The following COBL variants were observed in gnomAD, a reference collection of about 807,000 sequenced individuals.
COBL encodes protein cordon-bleu.
A neutral mutation model predicts 98.8 loss-of-function variants in COBL; 51 were observed. The ratio of observed to expected loss-of-function variants is 0.52; its 90% CI spans 0.41 to 0.65. COBL has a LOEUF of 0.65. Among genes scored for constraint, COBL ranks in the 30% least tolerant of loss-of-function variants. The pLI, the probability that COBL is intolerant of heterozygous loss-of-function variation, is 0.00. For missense variants in COBL, 1,617 were observed against 1,617.5 expected, an observed-to-expected ratio of 1.00 and a Z score of 0.01; for synonymous variants, 634 against 651.7, an observed-to-expected ratio of 0.97 and a Z score of 0.41.
At chr7:51,093,753 G>A (rs1452298590) in intron 6 of COBL, among the ~76,000 whole-genome samples, 4 of 152,070 alleles carry the variant, frequency 2.6e-5, no homozygotes, top group Non-Finnish European at 5.9e-5. Context: ...GTTTAGCCAG[G>A]TATGGTGGCA....
intron 1 of COBL, among the ~76,000 whole-genome samples, chr7:51,269,441 A>G (rs1798551529): frequency 6.6e-6 from 1 of 152,194 alleles, no homozygotes; most frequent in African/African-American, 2.4e-5. Context: ...CACAGGGTCC[A>G]GACGCAACTG....
At chr7:51,025,015 G>A (rs954606992) in intron 12 of COBL, 94 bp downstream of exon 12, 17 of 1,552,656 alleles carry the variant, frequency 1.1e-5, no homozygotes, top group African/African-American at 2.7e-5. Context: ...TGACCGCCTC[G>A]CAGCTCCTGC....
Position 51,028,449 on chromosome 7 carries a change from C to T in COBL, c.2647G>A (p.Ala883Thr). 2 of 1,614,286 alleles carry T rather than the reference C, an allele frequency of 1.2e-6. No individual in the cohort carries two copies. The highest frequency in any genetic ancestry group is 1.7e-6 in the Non-Finnish European group (2 of 1,180,054). ...AKRIGAPKVH[A>T]DVVRPHGYAE... ...TAACCGTGTGGCCTCACCACATCAG[C>T]ATGGACTTTTGGGGCTCCTATGCGC... The change falls in exon 10 of 13, where the codon GCT becomes ACT. Residue 883 changes from alanine to threonine, a missense_variant. Ala to Thr is a moderately conservative substitution (Grantham distance 58). This residue lies in a region of COBL where 1,304 missense variants were observed against 1,282.0 expected (regional missense o/e 1.02). Coordinates refer to ENST00000265136, the MANE Select transcript of COBL (RefSeq NM_015198.5).
chr7:51,206,090 G>C (rs1791672231), intron 2 of COBL, among the ~76,000 whole-genome samples: 1 of 152,196 alleles, frequency 6.6e-6, no homozygotes, highest in Non-Finnish European at 1.5e-5. Context: ...ATTGCTGGCA[G>C]GAATGTAAAT....
chr7:51,061,384 G>C (rs752938810), intron 7 of COBL, among the ~76,000 whole-genome samples: 1 of 152,076 alleles, frequency 6.6e-6, no homozygotes, highest in Non-Finnish European at 1.5e-5. Flanking sequence ...AGGATATCAG[G>C]AGAGAGTAAA....
chr7:51,160,827 A>G (rs551202291), intron 5 of COBL, among the ~76,000 whole-genome samples: 19 of 152,340 alleles, frequency 1.2e-4, no homozygotes, highest in Non-Finnish European at 2.2e-4. Context: ...AAACTCTGTT[A>G]GACTTGTAGG....
intron 8 of COBL, among the ~76,000 whole-genome samples, chr7:51,038,852 G>A (rs1439886147): frequency 6.6e-6 from 1 of 152,352 alleles, no homozygotes; most frequent in Non-Finnish European, 1.5e-5. Context: ...TGCTTTGCCT[G>A]AGCCCCAAGG....
intron 1 of COBL, among the ~76,000 whole-genome samples, chr7:51,264,860 C>T (rs887642098): frequency 1.3e-5 from 2 of 152,020 alleles, no homozygotes; most frequent in Non-Finnish European, 2.9e-5. Flanking sequence ...CTCTCTCATA[C>T]ACATGTGCAT....
intron 8 of COBL, among the ~76,000 whole-genome samples, chr7:51,038,776 A>G (rs1240684361): frequency 6.6e-6 from 1 of 152,216 alleles, no homozygotes; most frequent in African/African-American, 2.4e-5. Flanking sequence ...GGACAGCTTC[A>G]CAACCTATCC....
chr7:51,077,107 T>G (rs1793159562), intron 7 of COBL, among the ~76,000 whole-genome samples: 1 of 152,182 alleles, frequency 6.6e-6, no homozygotes, highest in African/African-American at 2.4e-5. Flanking sequence ...AGCAAGCTGA[T>G]TCGAAAGTTA....
At chr7:51,221,304 A>C (rs949715920) in intron 1 of COBL, among the ~76,000 whole-genome samples, 2 of 152,198 alleles carry the variant, frequency 1.3e-5, no homozygotes, top group African/African-American at 4.8e-5. Flanking sequence ...TCAGAGACAC[A>C]GGAATTCCTT....
At chr7:51,202,736 T>C (rs937528470) in intron 2 of COBL, among the ~76,000 whole-genome samples, 1 of 152,118 alleles carries the variant, frequency 6.6e-6, no homozygotes. Flanking sequence ...AGCAGTAAGA[T>C]CCTACATTTA....
At chr7:51,101,192 G>T (rs1022252897) in intron 6 of COBL, among the ~76,000 whole-genome samples, 1 of 152,174 alleles carries the variant, frequency 6.6e-6, no homozygotes, top group African/African-American at 2.4e-5. Flanking sequence ...AAGATAACAT[G>T]CTTGAAAAAT....
At position 51,274,752 on chromosome 7, in the gene COBL, G is replaced by A. The variant is rs1799129020; in HGVS notation, c.41+41841C>T. The stretch of plus-strand genomic sequence containing the variant: ...TCCAAGTTCAGGGATGCCATGCCTT[G>A]TACAACAGACGTATTCTAGAAAACA... On this transcript the variant is annotated intron_variant, in intron 1 of 12. Coordinates refer to ENST00000265136, the MANE Select transcript of COBL (RefSeq NM_015198.5). Among the ~76,000 whole-genome samples the A allele has an allele frequency of 2.6e-5, 4 of 152,152 alleles. No individual in the cohort carries two copies. The South Asian group carries it at 8.3e-4, about 32-fold the overall frequency.
intron 7 of COBL, among the ~76,000 whole-genome samples, chr7:51,050,666 G>A (rs1220786777): frequency 2.0e-5 from 3 of 152,194 alleles, no homozygotes; most frequent in Non-Finnish European, 2.9e-5. Flanking sequence ...TTGGATAAAT[G>A]GCTGCCATTT....
At chr7:51,077,930 T>C (rs1287787681) in intron 7 of COBL, among the ~76,000 whole-genome samples, 1 of 152,170 alleles carries the variant, frequency 6.6e-6, no homozygotes, top group Non-Finnish European at 1.5e-5. Context: ...CCACTTGCTC[T>C]TCAACAGTGA....
At position 51,256,991 on chromosome 7, in the gene COBL, G is replaced by A. The variant is rs570431935; in HGVS notation, c.42-37047C>T. On this transcript the variant is annotated intron_variant, in intron 1 of 12. Transcript: ENST00000265136. ...ACACGAGACTTGAACAGGGAATGAGGAAGCCCAGAAGAGCAGAAACTAAAC... is the reference window on the plus strand; with the variant it reads ...ACACGAGACTTGAACAGGGAATGAGAAAGCCCAGAAGAGCAGAAACTAAAC... Among the ~76,000 whole-genome samples, 4 of 152,210 alleles carry A rather than the reference G, an allele frequency of 2.6e-5. No individual in the cohort carries two copies. The South Asian group carries it at 8.3e-4, about 32-fold the overall frequency.
At chr7:51,147,598 C>CT (rs1785146973) in intron 5 of COBL, among the ~76,000 whole-genome samples, 1 of 152,090 alleles carries the variant, frequency 6.6e-6, no homozygotes, top group African/African-American at 2.4e-5. Flanking sequence ...GAGGAAGTAA[C>CT]TTGTGGAATG....
intron 5 of COBL, among the ~76,000 whole-genome samples, chr7:51,152,224 C>G (rs980484708): frequency 2.0e-5 from 3 of 152,210 alleles, no homozygotes; most frequent in African/African-American, 7.2e-5. Context: ...GCTCCAGAGA[C>G]AGCTGTTCAA....
Sources: gnomAD v4.1 joint callset for allele counts (sites outside exome capture counted in the v4.1 genomes callset) on GRCh38, gnomAD v4.1.1 for gene constraint, gnomAD v4.1.1 regional missense constraint, MANE v1.5 for transcripts, NCBI Gene and HGNC (gene_info 2026-07-23, HGNC 2026-07-21) for gene names.